GABBR2: variants seen among roughly 807,000 people sequenced by gnomAD.
GABBR2 encodes gamma-aminobutyric acid type B receptor subunit 2, also known as G-protein coupled receptor 51.
In GABBR2, 23 loss-of-function variants were observed where a neutral mutation model predicts 105.6. That is an observed-to-expected ratio of 0.22 (90% confidence interval 0.16 to 0.31). GABBR2 has a LOEUF of 0.31. GABBR2 is among the 10% of genes least tolerant of loss of function. The pLI, the probability that GABBR2 is intolerant of heterozygous loss-of-function variation, is 1.00. For missense variants in GABBR2, 734 were observed against 1,245.5 expected, an observed-to-expected ratio of 0.59 and a Z score of 6.18; for synonymous variants, 478 against 499.7, an observed-to-expected ratio of 0.96 and a Z score of 0.58.
rs151131012 is a variant in GABBR2, at chr9:98,338,322, A to G, written c.1893+24393T>C. Among the ~76,000 whole-genome samples the G allele has an allele frequency of 3.6e-3, 551 of 152,332 alleles. 7 individuals carry two copies. The highest frequency in any genetic ancestry group is 0.013 in the African/African-American group (531 of 41,582). On this transcript the variant is annotated intron_variant, in intron 13 of 18. Coordinates refer to ENST00000259455, the MANE Select transcript of GABBR2 (RefSeq NM_005458.8). Reference sequence around the variant, plus strand: ...TCATGTGTCAGAGGACATTATTGAGAAAATGCAAAGACAACTCACAGAATG... The same window carrying G: ...TCATGTGTCAGAGGACATTATTGAGGAAATGCAAAGACAACTCACAGAATG...
rs138178240 is a variant in GABBR2, at chr9:98,317,073, C to T, written c.1894-5868G>A. On this transcript the variant is annotated intron_variant, in intron 13 of 18. Coordinates refer to ENST00000259455, the MANE Select transcript of GABBR2 (RefSeq NM_005458.8). ...TTATTTGAGGGAGGAAGAACTTAAT[C>T]GTTAAATATTCAACAGTGGCTTCCC... Among the ~76,000 whole-genome samples, 70 of 152,318 alleles carry T rather than the reference C, an allele frequency of 4.6e-4. 1 individual carries two copies. Among genetic ancestry groups the T allele is most frequent in the African/African-American group, 1.4e-3 (58 of 41,558 alleles).
At chr9:98,375,181 C>T (rs897945603) in intron 11 of GABBR2, 2 of 152,366 alleles carry the variant, frequency 1.3e-5, no homozygotes, top group South Asian at 2.1e-4. Context: ...CCATCCTGCC[C>T]TGCTCAGTCT....
At chr9:98,390,904 T>G (rs1470380080) in intron 9 of GABBR2, among the ~76,000 whole-genome samples, 1 of 152,198 alleles carries the variant, frequency 6.6e-6, no homozygotes, top group East Asian at 1.9e-4. Flanking sequence ...TTCTTACTCC[T>G]TCTTCTGTTC....
chr9:98,570,701 G>C (rs1828818118), intron 2 of GABBR2, among the ~76,000 whole-genome samples: 1 of 152,212 alleles, frequency 6.6e-6, no homozygotes, highest in African/African-American at 2.4e-5. Flanking sequence ...TCTGAGGACA[G>C]GATTCTGGGT....
intron 1 of GABBR2, among the ~76,000 whole-genome samples, chr9:98,648,272 C>T (rs1394680819): frequency 1.3e-5 from 2 of 151,982 alleles, no homozygotes; most frequent in African/African-American, 4.8e-5. Context: ...GCTGGGATTA[C>T]AGGCAGCTGC....
chr9:98,617,726 C>T (rs574471433), intron 1 of GABBR2, among the ~76,000 whole-genome samples: 13 of 152,218 alleles, frequency 8.5e-5, no homozygotes, highest in Admixed American at 6.5e-4. Flanking sequence ...AGACCTAGGC[C>T]ATTTGTTGGC....
intron 1 of GABBR2, among the ~76,000 whole-genome samples, chr9:98,634,458 C>G (rs73504520): frequency 0.021 from 3,262 of 152,136 alleles, 107 homozygotes; most frequent in African/African-American, 0.074. Flanking sequence ...TGACTGATAA[C>G]CCTGTAAGAA....
Position 98,578,414 on chromosome 9 carries a change from C to T in GABBR2, c.322-342G>A, listed in dbSNP as rs143368500. On this transcript the variant is annotated intron_variant, in intron 1 of 18. Transcript: ENST00000259455. ...GCCATTTATATTTTAAGGATGATCC[C>T]ACACTCATTAAAATGGCTATCATTA... is the stretch of plus-strand genomic sequence containing the variant. 2.0e-5 allele frequency among the ~76,000 whole-genome samples: 3 copies of T among 152,066 alleles called. No individual in the cohort carries two copies. The East Asian group carries it at 5.8e-4, about 29-fold the overall frequency.
At chr9:98,503,964 C>T (rs999210391) in intron 3 of GABBR2, among the ~76,000 whole-genome samples, 2 of 152,142 alleles carry the variant, frequency 1.3e-5, no homozygotes, top group Non-Finnish European at 2.9e-5. Flanking sequence ...AAAGTGGCTA[C>T]TGATTGGGGT....
chr9:98,394,262 G>A lies in GABBR2; in HGVS notation c.1298-7C>T. On this transcript the variant is annotated splice_polypyrimidine_tract_variant and splice_region_variant and intron_variant, in intron 8 of 18. Transcript: ENST00000259455. ...ACCTTCACCTCCCTGCTGTCTGTGG[G>A]GAGCAAAAGACAGTGGCCAGTTAGA... The A allele has an allele frequency of 6.2e-7, 1 of 1,608,898 alleles. No homozygotes were observed. The highest frequency in any genetic ancestry group is 8.5e-7 in the Non-Finnish European group (1 of 1,175,408).
At chr9:98,399,570 A>G (rs1832353759) in intron 8 of GABBR2, among the ~76,000 whole-genome samples, 1 of 152,066 alleles carries the variant, frequency 6.6e-6, no homozygotes, top group African/African-American at 2.4e-5. Context: ...TACCCTACTC[A>G]GCCCCACCAA....
At position 98,329,188 on chromosome 9, in the gene GABBR2, C is replaced by T. The variant is rs367843618; in HGVS notation, c.1894-17983G>A. On this transcript the variant is annotated intron_variant, in intron 13 of 18. Coordinates refer to ENST00000259455, the MANE Select transcript of GABBR2 (RefSeq NM_005458.8). ...GGAAGGGCAGAGCAAGCTGGTGTCT[C>T]CTCAGGTCATTTCTGCTGTGGACAG... 9.1e-4 allele frequency among the ~76,000 whole-genome samples: 139 copies of T among 152,306 alleles called. 1 individual carries two copies. The Middle Eastern group carries it at 0.024, about 26-fold the overall frequency.
At chr9:98,319,865 T>G (rs1830788399) in intron 13 of GABBR2, among the ~76,000 whole-genome samples, 1 of 152,190 alleles carries the variant, frequency 6.6e-6, no homozygotes, top group Non-Finnish European at 1.5e-5. Flanking sequence ...CAGGAAGTTC[T>G]ACTAAAATTC....
In GABBR2 at chr9:98,454,298, T is replaced by C; in HGVS notation, c.1000-81A>G. 1.1e-6 allele frequency: 1 copy of C among 918,250 alleles called. No individual in the cohort carries two copies. Among genetic ancestry groups the C allele is most frequent in the Non-Finnish European group, 1.8e-6 (1 of 551,834 alleles). 56.9% of individuals were successfully genotyped at this position (918,250 alleles called of 1,614,324 possible). A position where few individuals can be genotyped will look rare whatever the true frequency, so the allele number is the denominator to read the frequency against. On this transcript the variant is annotated intron_variant, in intron 6 of 18. Transcript: ENST00000259455. This position sits in a 1 kb window ranked among gnomAD's most constrained non-coding sequence, Gnocchi z 4.6. ...TGCCTGATGCCGAGAAGAGCTGCTA[T>C]TCTTCAATGCCCACAGGGTGCCAGG... is the stretch of plus-strand genomic sequence containing the variant.
Position 98,376,074 on chromosome 9 carries a change from A to T in GABBR2, c.1663-4503T>A, listed in dbSNP as rs1171634934. ...CTGCGAACTGCCTTGAACATAATCC[A>T]TCCATGGGGGAAGACAAACTTTAGG... On this transcript the variant is annotated intron_variant, in intron 11 of 18. Transcript: ENST00000259455. Among the ~76,000 whole-genome samples, 5 of 152,152 alleles carry T rather than the reference A, an allele frequency of 3.3e-5. No individual in the cohort carries two copies. In the South Asian group the frequency reaches 6.2e-4, roughly 19 times the overall value.
Position 98,652,050 on chromosome 9 carries a change from C to G in GABBR2, c.321+56367G>C, listed in dbSNP as rs1383043140. 2.0e-5 allele frequency among the ~76,000 whole-genome samples: 3 copies of G among 152,236 alleles called. No individual in the cohort carries two copies. In the South Asian group the frequency reaches 6.2e-4, roughly 32 times the overall value. On this transcript the variant is annotated intron_variant, in intron 1 of 18. Coordinates refer to ENST00000259455, the MANE Select transcript of GABBR2 (RefSeq NM_005458.8). ...GGCCATGAGTGGACAATTGTTGAAG[C>G]TGGGTGATAGGTACATGGGGTATTC... is the stretch of plus-strand genomic sequence containing the variant.
intron 13 of GABBR2, among the ~76,000 whole-genome samples, chr9:98,316,155 C>CTTT (rs3059584): frequency 1.7e-4 from 25 of 146,276 alleles, no homozygotes; most frequent in Middle Eastern, 3.5e-3. Flanking sequence ...TTTCAACTGG[C>CTTT]TTTTTTTTTT....
intron 1 of GABBR2, among the ~76,000 whole-genome samples, chr9:98,672,845 T>C (rs1588277541): frequency 6.6e-6 from 1 of 152,350 alleles, no homozygotes; most frequent in African/African-American, 2.4e-5. Context: ...GCCACCTCCC[T>C]TAACTCTGAA....
chr9:98,420,702 A>G (rs1832767692), intron 7 of GABBR2, among the ~76,000 whole-genome samples: 1 of 152,120 alleles, frequency 6.6e-6, no homozygotes, highest in African/African-American at 2.4e-5. Context: ...TCCTGGAGAG[A>G]GGGTTTCTCA....
Sources: allele counts gnomAD v4.1 joint callset (sites outside exome capture counted in the v4.1 genomes callset), GRCh38; gene constraint gnomAD v4.1.1; non-coding constraint Gnocchi (gnomAD v3.1); transcripts MANE v1.5; gene names NCBI Gene and HGNC (gene_info 2026-07-23, HGNC 2026-07-21).